The following INHBB variants were observed in gnomAD, a reference collection of about 807,000 sequenced individuals.
The protein encoded by INHBB is inhibin beta B chain.
INHBB carries 8 observed loss-of-function variants against 28.9 expected under a neutral mutation model. The observed-to-expected ratio is 0.28, with a 90% confidence interval of 0.16 to 0.50. INHBB has a LOEUF of 0.50. INHBB is among the 20% of genes least tolerant of loss of function. The pLI, the probability that INHBB is intolerant of heterozygous loss-of-function variation, is 0.98. For missense variants in INHBB, 499 were observed against 597.8 expected (o/e 0.83, Z 1.72); for synonymous variants, 293 against 262.7 (o/e 1.12, Z -1.12).
At position 120,346,281 on chromosome 2, in the gene INHBB, G is replaced by A; in HGVS notation, c.93G>A (p.Thr31=). Residue 31 remains threonine, a synonymous_variant, in exon 1 of 2, where the codon ACG becomes ACA. Coordinates refer to ENST00000295228, the MANE Select transcript of INHBB (RefSeq NM_002193.4). ...WLGPEAWGSP[T]PPPTPAAPPP... ...GGCCTGAGGCCTGGGGCTCACCCACGCCCCCGCCGACGCCTGCCGCGCCGC... is the reference window on the plus strand; with the variant it reads ...GGCCTGAGGCCTGGGGCTCACCCACACCCCCGCCGACGCCTGCCGCGCCGC... 4 of 1,364,662 alleles carry A rather than the reference G, an allele frequency of 2.9e-6. No homozygotes were observed. Among genetic ancestry groups the A allele is most frequent in the Non-Finnish European group, 3.7e-6 (4 of 1,067,288 alleles). 84.5% of individuals were successfully genotyped at this position (1,364,662 alleles called of 1,614,324 possible).
chr2:120,350,013 G>A lies in INHBB; in HGVS notation c.*139G>A. 1 of 832,892 alleles carries A rather than the reference G, an allele frequency of 1.2e-6. No individual in the cohort carries two copies. The allele number at this position is 832,892 out of a possible 1,614,324, so 51.6% of individuals were successfully genotyped here. On this transcript the variant is annotated 3_prime_UTR_variant, in exon 2 of 2. Transcript: ENST00000295228. ...GCTGTGGAGATAGTGCCAGGGTGCG[G>A]CCTGAGATATTTTTCTACAGCTTCA...
intron 1 of INHBB, among the ~76,000 whole-genome samples, chr2:120,346,882 T>C (rs1360979046): frequency 6.6e-6 from 1 of 152,196 alleles, no homozygotes; most frequent in African/African-American, 2.4e-5. Flanking sequence ...CCTCCACCCC[T>C]GCTCTCCGGA....
At chr2:120,348,998 T>G in intron 1 of INHBB, 101 bp from the exon 2 acceptor site, 2 of 1,343,442 alleles carry the variant, frequency 1.5e-6, no homozygotes, top group Non-Finnish European at 2.0e-6. Flanking sequence ...TCCAGCTGTG[T>G]GGCGAGTTGC....
chr2:120,348,641 A>G (rs548376082), intron 1 of INHBB, among the ~76,000 whole-genome samples: 1 of 139,198 alleles, frequency 7.2e-6, no homozygotes, highest in Admixed American at 7.4e-5. Flanking sequence ...TGATTTTGCA[A>G]TGCGCTAAGT....
intron 1 of INHBB, among the ~76,000 whole-genome samples, chr2:120,346,880 C>T (rs753833994): frequency 2.6e-4 from 40 of 152,256 alleles, no homozygotes; most frequent in Non-Finnish European, 4.4e-4. Context: ...GCCCTCCACC[C>T]CTGCTCTCCG....
chr2:120,346,704 T>G, intron 1 of INHBB, 68 bp downstream of exon 1: 30 of 1,309,924 alleles, frequency 2.3e-5, no homozygotes, highest in Middle Eastern at 2.0e-4. Context: ...CCTTGCTAGC[T>G]CCGGCTGCCA....
In INHBB at chr2:120,349,539, G is replaced by A. The variant is rs761406590; in HGVS notation, c.889G>A (p.Asp297Asn). Residue 297 changes from aspartate to asparagine, a missense_variant, in exon 2 of 2, where the codon GAT becomes AAT. Around this residue, in one of 2 missense-constraint regions of INHBB, gnomAD observed 114 missense variants for 182.6 expected, o/e 0.62. Transcript: ENST00000295228. This position sits in a 1 kb window ranked among gnomAD's most constrained non-coding sequence, Gnocchi z 5.6. ...CATTCGCAAGCGAGGCCTGGAGTGC[G>A]ATGGCCGGACCAACCTCTGTTGCAG... ...HRIRKRGLEC[D>N]GRTNLCCRQQ... is the part of the protein sequence containing the mutation. 1.9e-6 allele frequency: 3 copies of A among 1,613,976 alleles called. No individual in the cohort carries two copies. Among genetic ancestry groups the A allele is most frequent in the Non-Finnish European group, 2.5e-6 (3 of 1,180,038 alleles).
In INHBB at chr2:120,349,267, A is replaced by T; in HGVS notation, c.617A>T (p.Gln206Leu). ...CGGGTCAAAGTGTACTTCCAGGAGC[A>T]GGGCCACGGTGACAGGTGGAACATG... ...KVRVKVYFQE[Q>L]GHGDRWNMVE... The change falls in exon 2 of 2, where the codon CAG (glutamine) becomes CTG (leucine). Residue 206 changes from glutamine (Q) to leucine (L), a missense_variant. Gln to Leu is a moderately radical substitution (Grantham distance 113). Coordinates refer to ENST00000295228, the MANE Select transcript of INHBB (RefSeq NM_002193.4). This position sits in a 1 kb window ranked among gnomAD's most constrained non-coding sequence, Gnocchi z 5.6. 1 of 1,614,212 alleles carries T rather than the reference A, an allele frequency of 6.2e-7. No individual in the cohort carries two copies. The highest frequency in any genetic ancestry group is 1.1e-5 in the South Asian group (1 of 91,080).
At chr2:120,346,731 C>A in intron 1 of INHBB, 95 bp downstream of exon 1, 2 of 1,270,190 alleles carry the variant, frequency 1.6e-6, no homozygotes, top group Non-Finnish European at 2.0e-6. Flanking sequence ...CCACCGCAGC[C>A]CGCGCGCCCT....
In INHBB at chr2:120,349,394, A is replaced by T; in HGVS notation, c.744A>T (p.Leu248=). ...AGCGGGGCGAGCGGCGACTCAACCT[A>T]GACGTGCAGTGTGACAGCTGCCAGG... The part of the protein sequence containing the change: ...LFERGERRLN[L]DVQCDSCQEL... The change falls in exon 2 of 2, where the codon CTA becomes CTT. Residue 248 remains leucine, a synonymous_variant. Transcript: ENST00000295228. This position sits in a 1 kb window ranked among gnomAD's most constrained non-coding sequence, Gnocchi z 5.6. The T allele has an allele frequency of 6.2e-7, 1 of 1,613,812 alleles. No individual in the cohort carries two copies. The highest frequency in any genetic ancestry group is 8.5e-7 in the Non-Finnish European group (1 of 1,179,996).
rs1389221353 is a variant in INHBB at position 120,350,778 on chromosome 2, G to A, written c.*904G>A. The A allele has an allele frequency of 6.6e-6, 1 of 152,254 alleles. No homozygotes were observed. Among genetic ancestry groups the A allele is most frequent in the Non-Finnish European group, 1.5e-5 (1 of 68,032 alleles). 9.4% of individuals were successfully genotyped at this position (152,254 alleles called of 1,614,324 possible). On this transcript the variant is annotated 3_prime_UTR_variant, in exon 2 of 2. Coordinates refer to ENST00000295228, the MANE Select transcript of INHBB (RefSeq NM_002193.4). ...ATTGTTCTAAATGGAAAGAAAAAAAGTTGCAATCTGTGCCCTTCATTGGGG... is the reference window on the plus strand; with the variant it reads ...ATTGTTCTAAATGGAAAGAAAAAAAATTGCAATCTGTGCCCTTCATTGGGG...
Position 120,351,655 on chromosome 2 carries a change from C to T in INHBB, c.*1781C>T, listed in dbSNP as rs1235193556. ...ACTATGATAGAATGCAGGTGTGTAT[C>T]CTTAAATCCTCATCTTTATGTTTAT... On this transcript the variant is annotated 3_prime_UTR_variant, in exon 2 of 2. Transcript: ENST00000295228. The T allele has an allele frequency of 3.4e-4, 52 of 152,312 alleles. No homozygotes were observed. The highest frequency in any genetic ancestry group is 3.3e-3 in the Admixed American group (50 of 15,294). The allele number at this position is 152,312 out of a possible 1,614,324, so 9.4% of individuals were successfully genotyped here. A position where few individuals can be genotyped will look rare whatever the true frequency, so the allele number is the denominator to read the frequency against.
rs1691147162 is a variant in INHBB at position 120,346,196 on chromosome 2, G to C, written c.8G>C (p.Gly3Ala). 1 of 1,190,154 alleles carries C rather than the reference G, an allele frequency of 8.4e-7. No homozygotes were observed. The highest frequency in any genetic ancestry group is 4.5e-5 in the Admixed American group (1 of 22,126). 73.7% of individuals were successfully genotyped at this position (1,190,154 alleles called of 1,614,324 possible). A position where few individuals can be genotyped will look rare whatever the true frequency, so the allele number is the denominator to read the frequency against. The change falls in exon 1 of 2, where the codon GGG becomes GCG. Residue 3 changes from glycine to alanine, a missense_variant. Gly to Ala is a moderately conservative substitution (Grantham distance 60). This residue lies in a region of INHBB where 385 missense variants were observed against 415.2 expected (regional missense o/e 0.93). Coordinates refer to ENST00000295228, the MANE Select transcript of INHBB (RefSeq NM_002193.4). MDGLPGRALGAAC... is the reference protein window; with the variant it reads MDALPGRALGAAC... ...CGTCGCCAGCGGCGCACCATGGACGGGCTGCCCGGTCGGGCGCTGGGGGCC... is the reference window on the plus strand; with the variant it reads ...CGTCGCCAGCGGCGCACCATGGACGCGCTGCCCGGTCGGGCGCTGGGGGCC...
Position 120,350,188 on chromosome 2 carries a change from C to T in INHBB, c.*314C>T, listed in dbSNP as rs1004181321. On this transcript the variant is annotated 3_prime_UTR_variant, in exon 2 of 2. Transcript: ENST00000295228. ...AAATGGATGCGGTGACAAATGGCAGCTTAGCTACAAATGCCTGTCAGTCGG... is the reference window on the plus strand; with the variant it reads ...AAATGGATGCGGTGACAAATGGCAGTTTAGCTACAAATGCCTGTCAGTCGG... 1.1e-5 allele frequency: 4 copies of T among 355,268 alleles called. No homozygotes were observed. Among genetic ancestry groups the T allele is most frequent in the African/African-American group, 4.1e-5 (2 of 48,352 alleles). 22.0% of individuals were successfully genotyped at this position (355,268 alleles called of 1,614,324 possible). A position where few individuals can be genotyped will look rare whatever the true frequency, so the allele number is the denominator to read the frequency against.
Position 120,346,362 on chromosome 2 carries a change from CG to C in INHBB, c.176del (p.Gly59AlafsTer20). ...GCTCGCAGGACACCTGTACGTCGTG[CG>C]GCGGCTTCCGGCGGCCAGAGGAGCT... is the stretch of plus-strand genomic sequence containing the variant. ...GGSQDTCTSC[G>X]GFRRPEELGR... On this transcript the variant is annotated frameshift_variant, in exon 1 of 2. Transcript: ENST00000295228. LOFTEE classifies it high-confidence loss of function. 1 of 1,479,004 alleles carries C rather than the reference CG, an allele frequency of 6.8e-7. No homozygotes were observed. The highest frequency in any genetic ancestry group is 8.9e-7 in the Non-Finnish European group (1 of 1,121,108). 91.6% of individuals were successfully genotyped at this position (1,479,004 alleles called of 1,614,324 possible).
At position 120,350,204 on chromosome 2, in the gene INHBB, TGTCA is replaced by T. The variant is rs199908661; in HGVS notation, c.*334_*337del. 9.5e-5 allele frequency: 30 copies of T among 315,368 alleles called. No homozygotes were observed. The highest frequency in any genetic ancestry group is 1.5e-4 in the Non-Finnish European group (25 of 168,192). The allele number at this position is 315,368 out of a possible 1,614,324, so 19.5% of individuals were successfully genotyped here. A position where few individuals can be genotyped will look rare whatever the true frequency, so the allele number is the denominator to read the frequency against. On this transcript the variant is annotated 3_prime_UTR_variant, in exon 2 of 2. Transcript: ENST00000295228. Reference sequence around the variant, plus strand: ...AAATGGCAGCTTAGCTACAAATGCCTGTCAGTCGGAGAGAATGGGGTGAGCAGCC... The same window carrying T: ...AAATGGCAGCTTAGCTACAAATGCCTGTCGGAGAGAATGGGGTGAGCAGCC...
Position 120,346,293 on chromosome 2 carries a change from G to C in INHBB, c.105G>C (p.Thr35=). 7.3e-7 allele frequency: 1 copy of C among 1,374,200 alleles called. No homozygotes were observed. Among genetic ancestry groups the C allele is most frequent in the South Asian group, 1.7e-5 (1 of 58,932 alleles). 85.1% of individuals were successfully genotyped at this position (1,374,200 alleles called of 1,614,324 possible). A position where few individuals can be genotyped will look rare whatever the true frequency, so the allele number is the denominator to read the frequency against. The change falls in exon 1 of 2, where the codon ACG becomes ACC. Residue 35 remains threonine (T), a synonymous_variant. Coordinates refer to ENST00000295228, the MANE Select transcript of INHBB (RefSeq NM_002193.4). The part of the protein sequence containing the change: ...EAWGSPTPPP[T]PAAPPPPPPP... ...GGGGCTCACCCACGCCCCCGCCGAC[G>C]CCTGCCGCGCCGCCGCCACCCCCGC...
In INHBB at chr2:120,346,427, G is replaced by A. The variant is rs1390366565; in HGVS notation, c.239G>A (p.Arg80Gln). The change falls in exon 1 of 2, where the codon CGG (arginine) becomes CAG (glutamine). Residue 80 changes from arginine (R) to glutamine (Q), a missense_variant. Arg to Gln is a conservative substitution (Grantham distance 43). Around this residue, in one of 2 missense-constraint regions of INHBB, gnomAD observed 385 missense variants for 415.2 expected, o/e 0.93. Coordinates refer to ENST00000295228, the MANE Select transcript of INHBB (RefSeq NM_002193.4). ...VDGDFLEAVK[R>Q]HILSRLQMRG... ...GGCGACTTCCTGGAGGCGGTGAAGCGGCACATCTTGAGCCGCCTGCAGATG... is the reference window on the plus strand; with the variant it reads ...GGCGACTTCCTGGAGGCGGTGAAGCAGCACATCTTGAGCCGCCTGCAGATG... 1 of 1,549,598 alleles carries A rather than the reference G, an allele frequency of 6.5e-7. No individual in the cohort carries two copies. Among genetic ancestry groups the A allele is most frequent in the Admixed American group, 1.9e-5 (1 of 51,852 alleles).
In INHBB at chr2:120,349,081, C is replaced by T. The variant is rs376727678; in HGVS notation, c.449-18C>T. The T allele has an allele frequency of 2.4e-5, 38 of 1,583,082 alleles. No individual in the cohort carries two copies. The highest frequency in any genetic ancestry group is 3.1e-5 in the Non-Finnish European group (36 of 1,161,796). On this transcript the variant is annotated intron_variant, in intron 1 of 1. Transcript: ENST00000295228. This position sits in a 1 kb window ranked among gnomAD's most constrained non-coding sequence, Gnocchi z 5.6. ...TTCTCCTTGAATTAACTTGGCTCGC[C>T]CTTCCCCTTTTCCGCAGATGGCCTC...
Sources: gnomAD v4.1 joint callset for allele counts (sites outside exome capture counted in the v4.1 genomes callset) on GRCh38, gnomAD v4.1.1 for gene constraint, gnomAD v4.1.1 regional missense constraint, Gnocchi (gnomAD v3.1) non-coding constraint, MANE v1.5 for transcripts, NCBI Gene and HGNC (gene_info 2026-07-23, HGNC 2026-07-21) for gene names.